CNTN5: variants seen among roughly 807,000 people sequenced by gnomAD.
CNTN5 encodes the protein contactin 5, also known as contactin-5.
A neutral mutation model predicts 129.1 loss-of-function variants in CNTN5; 77 were observed. That is an observed-to-expected ratio of 0.60 (90% CI 0.50 to 0.72). CNTN5 has a LOEUF of 0.72. CNTN5 is among the 30% of genes least tolerant of loss of function. The probability of loss-of-function intolerance (pLI) is 0.00; values close to 1 mark genes in which losing one functional copy is unlikely to be tolerated. For missense variants in CNTN5, 1,478 were observed against 1,328.8 expected, an observed-to-expected ratio of 1.11 and a Z score of -1.75; for synonymous variants, 509 against 465.6, an observed-to-expected ratio of 1.09 and a Z score of -1.20.
chr11:99,759,869 G>A (rs570903137), intron 3 of CNTN5, among the ~76,000 whole-genome samples: 1 of 152,192 alleles, frequency 6.6e-6, no homozygotes, highest in Admixed American at 6.6e-5. Flanking sequence ...TGAAGAACAC[G>A]TGAAATATTT....
chr11:99,816,832 C>T (rs575785151), intron 3 of CNTN5, among the ~76,000 whole-genome samples: 2 of 152,198 alleles, frequency 1.3e-5, no homozygotes, highest in South Asian at 2.1e-4. Flanking sequence ...TAATACCCTG[C>T]GCTCCTATTT....
intron 9 of CNTN5, among the ~76,000 whole-genome samples, chr11:100,023,505 A>G (rs954618385): frequency 2.6e-4 from 40 of 152,346 alleles, no homozygotes; most frequent in African/African-American, 9.1e-4. Flanking sequence ...ACAGTGACAT[A>G]TTATTATCAC....
chr11:99,253,953 C>T (rs943893188), intron 1 of CNTN5, among the ~76,000 whole-genome samples: 6 of 145,058 alleles, frequency 4.1e-5, no homozygotes, highest in African/African-American at 1.3e-4. Flanking sequence ...AGGCTCTATG[C>T]ATTAATATAT....
At chr11:99,914,846 T>C (rs1482372843) in intron 6 of CNTN5, among the ~76,000 whole-genome samples, 1 of 152,084 alleles carries the variant, frequency 6.6e-6, no homozygotes, top group Non-Finnish European at 1.5e-5. Context: ...AATTAGTAAA[T>C]TCTTACCCAT....
At chr11:99,977,762 T>G (rs1321520412) in intron 8 of CNTN5, among the ~76,000 whole-genome samples, 2 of 152,174 alleles carry the variant, frequency 1.3e-5, no homozygotes, top group East Asian at 3.9e-4. Flanking sequence ...GGATTATAAT[T>G]CAACATAAGA....
At chr11:99,773,776 C>T (rs1945025294) in intron 3 of CNTN5, among the ~76,000 whole-genome samples, 1 of 152,004 alleles carries the variant, frequency 6.6e-6, no homozygotes. Context: ...ACTGATGACC[C>T]TGAGTCGACC....
At chr11:100,244,163 T>C (rs1366593622) in intron 16 of CNTN5, among the ~76,000 whole-genome samples, 5 of 152,212 alleles carry the variant, frequency 3.3e-5, no homozygotes, top group Non-Finnish European at 5.9e-5. Flanking sequence ...TACACCTTTA[T>C]GGACTCTTGG....
intron 7 of CNTN5, among the ~76,000 whole-genome samples, chr11:99,945,801 C>G (rs1591462311): frequency 6.6e-6 from 1 of 152,008 alleles, no homozygotes; most frequent in African/African-American, 2.4e-5. Flanking sequence ...GAGTTGAGCC[C>G]CCTGTGTCTC....
chr11:99,891,270 G>T (rs553919612), intron 6 of CNTN5, among the ~76,000 whole-genome samples: 1 of 152,120 alleles, frequency 6.6e-6, no homozygotes, highest in African/African-American at 2.4e-5. Flanking sequence ...TTCTCTTACA[G>T]TCTCAAACCA....
intron 8 of CNTN5, among the ~76,000 whole-genome samples, chr11:99,965,894 G>C (rs1381281635): frequency 6.6e-6 from 1 of 152,108 alleles, no homozygotes; most frequent in African/African-American, 2.4e-5. Flanking sequence ...TCATAAGAAG[G>C]ACACTTTCCT....
At chr11:99,993,335 C>T (rs1939241343) in intron 8 of CNTN5, among the ~76,000 whole-genome samples, 1 of 152,106 alleles carries the variant, frequency 6.6e-6, no homozygotes, top group Admixed American at 6.5e-5. Context: ...TTCAGTAGGA[C>T]CTTGGGCCAG....
At position 99,108,111 on chromosome 11, in the gene CNTN5, T is replaced by C. The variant is rs377454741; in HGVS notation, c.-210+86841T>C. On this transcript the variant is annotated intron_variant, in intron 1 of 24. Coordinates refer to ENST00000524871, the MANE Select transcript of CNTN5 (RefSeq NM_014361.4). Reference sequence around the variant, plus strand: ...ATATAAGGTAATTCCTCAGTTGTGATGGTTGATTGTAGATTACTTGGAAGG... The same window carrying C: ...ATATAAGGTAATTCCTCAGTTGTGACGGTTGATTGTAGATTACTTGGAAGG... 1.0e-3 allele frequency among the ~76,000 whole-genome samples: 152 copies of C among 152,190 alleles called. 1 individual carries two copies. The highest frequency in any genetic ancestry group is 3.5e-3 in the African/African-American group (147 of 41,534).
chr11:99,382,847 T>G (rs928034655), intron 2 of CNTN5, among the ~76,000 whole-genome samples: 2 of 74,368 alleles, frequency 2.7e-5, no homozygotes, highest in African/African-American at 1.1e-4. Context: ...CTAAATAACT[T>G]TTTTTTTTTT....
chr11:100,243,416 A>G (rs1949780825), intron 16 of CNTN5, among the ~76,000 whole-genome samples: 1 of 152,090 alleles, frequency 6.6e-6, no homozygotes, highest in Non-Finnish European at 1.5e-5. Context: ...TGTGGCCTAG[A>G]AGCCCTGCCA....
intron 2 of CNTN5, among the ~76,000 whole-genome samples, chr11:99,348,555 C>A (rs1938070427): frequency 1.3e-5 from 2 of 152,186 alleles, no homozygotes; most frequent in South Asian, 2.1e-4. Context: ...AAACTCCAAC[C>A]TACAGACTGC....
chr11:99,092,476 T>C (rs966080034), intron 1 of CNTN5, among the ~76,000 whole-genome samples: 1 of 152,018 alleles, frequency 6.6e-6, no homozygotes, highest in African/African-American at 2.4e-5. Context: ...TTAAAAATTG[T>C]CAAAATGTTG....
At chr11:100,283,141 T>C (rs1033856950) in intron 18 of CNTN5, among the ~76,000 whole-genome samples, 1 of 152,248 alleles carries the variant, frequency 6.6e-6, no homozygotes, top group East Asian at 1.9e-4. Flanking sequence ...TCATAGCAGA[T>C]GATTAATCCT....
chr11:99,930,210 A>G (rs1454364853), intron 7 of CNTN5, among the ~76,000 whole-genome samples: 1 of 152,130 alleles, frequency 6.6e-6, no homozygotes, highest in Non-Finnish European at 1.5e-5. Context: ...GAGGAAGGTC[A>G]TATACTGATC....
At chr11:99,466,202 A>G (rs1591108722) in intron 2 of CNTN5, among the ~76,000 whole-genome samples, 1 of 152,098 alleles carries the variant, frequency 6.6e-6, no homozygotes, top group Non-Finnish European at 1.5e-5. Context: ...TTAAACAACC[A>G]TATCACATGA....
Sources: gnomAD v4.1 joint callset for allele counts (sites outside exome capture counted in the v4.1 genomes callset) on GRCh38, gnomAD v4.1.1 for gene constraint, MANE v1.5 for transcripts, NCBI Gene and HGNC (gene_info 2026-07-23, HGNC 2026-07-21) for gene names.